FARP1: variants seen among roughly 807,000 people sequenced by gnomAD.
FARP1 encodes FERM, ARH/RhoGEF and pleckstrin domain protein 1, also known as FERM, ARHGEF and pleckstrin domain-containing protein 1.
A neutral mutation model predicts 128.8 loss-of-function variants in FARP1; 52 were observed. That is an observed-to-expected ratio of 0.40 (90% CI 0.32 to 0.51). FARP1 has a LOEUF of 0.51. Ranked by LOEUF, FARP1 falls within the 20% of genes least tolerant of loss-of-function variation. The pLI, the probability that FARP1 is intolerant of heterozygous loss-of-function variation, is 0.45. For missense variants in FARP1, 1,333 were observed against 1,367.9 expected, an observed-to-expected ratio of 0.97 and a Z score of 0.40; for synonymous variants, 580 against 551.8, an observed-to-expected ratio of 1.05 and a Z score of -0.72.
chr13:98,446,102 A>T lies in FARP1; in HGVS notation c.2801A>T (p.Gln934Leu), dbSNP rs1313053849. The change falls in exon 25 of 27, where the codon CAG (glutamine) becomes CTG (leucine). Residue 934 changes from glutamine (Q) to leucine (L), a missense_variant. This residue lies in a region of FARP1 where 1,009 missense variants were observed against 969.8 expected (regional missense o/e 1.04). Transcript: ENST00000319562. ...ACAGGCCTCCTTGCCTTTCAGAATC[A>T]GTTGTCTGGAAACCTGCTGAGGAAA... ...MVDFSIAVEN[Q>L]LSGNLLRKFK... The T allele has an allele frequency of 6.2e-7, 1 of 1,612,124 alleles. No individual in the cohort carries two copies. Among genetic ancestry groups the T allele is most frequent in the Non-Finnish European group, 8.5e-7 (1 of 1,178,226 alleles).
chr13:98,336,747 A>C (rs367963028), intron 2 of FARP1, among the ~76,000 whole-genome samples: 1 of 152,210 alleles, frequency 6.6e-6, no homozygotes, highest in Non-Finnish European at 1.5e-5. Context: ...TGAAAAGCCA[A>C]TTGAGGATGG....
In FARP1 at chr13:98,440,206, A is replaced by T. The variant is rs1167810427; in HGVS notation, c.2600A>T (p.Glu867Val). The T allele has an allele frequency of 1.2e-6, 2 of 1,613,948 alleles. No homozygotes were observed. The highest frequency in any genetic ancestry group is 1.7e-6 in the Non-Finnish European group (2 of 1,179,908). The change falls in exon 23 of 27, where the codon GAG becomes GTG. Residue 867 changes from glutamate (E) to valine (V), a missense_variant. Glu to Val is a moderately radical substitution (Grantham distance 121). Transcript: ENST00000319562. The part of the protein sequence containing the change: ...LAEKSSSPAP[E>V]FLASSPPDNK... ...GAGAAGAGCAGCAGCCCCGCCCCTG[A>T]GTTCCTGGCCAGCAGCCCCCCTGAC...
intron 2 of FARP1, among the ~76,000 whole-genome samples, chr13:98,247,283 C>T (rs563149536): frequency 3.9e-5 from 6 of 152,316 alleles, no homozygotes; most frequent in African/African-American, 1.4e-4. Context: ...GAAGACGATG[C>T]GTGCCATCTA....
chr13:98,253,897 GTA>G (rs1283841223), intron 2 of FARP1, among the ~76,000 whole-genome samples: 1 of 152,316 alleles, frequency 6.6e-6, no homozygotes, highest in African/African-American at 2.4e-5. Flanking sequence ...GTTTGTGTGT[GTA>G]TGACAGTTTT....
chr13:98,374,484 AT>A (rs1440694044), intron 5 of FARP1, among the ~76,000 whole-genome samples: 7 of 152,136 alleles, frequency 4.6e-5, no homozygotes, highest in Non-Finnish European at 1.0e-4. Context: ...CACATATTGC[AT>A]CTAGTTAGTA....
intron 13 of FARP1, chr13:98,404,431 C>G (rs1234209963): frequency 1.3e-5 from 2 of 152,128 alleles, no homozygotes; most frequent in African/African-American, 4.8e-5. Context: ...ATATCAGACG[C>G]TAGTGAGTCC....
chr13:98,417,626 G>C (rs1441785857), intron 16 of FARP1, among the ~76,000 whole-genome samples: 1 of 152,172 alleles, frequency 6.6e-6, no homozygotes, highest in African/African-American at 2.4e-5. Flanking sequence ...GGTAAGAGAT[G>C]TGAGAAGGGT....
At chr13:98,173,680 G>GA (rs1177574206) in intron 1 of FARP1, among the ~76,000 whole-genome samples, 3 of 152,220 alleles carry the variant, frequency 2.0e-5, no homozygotes, top group Non-Finnish European at 2.9e-5. Flanking sequence ...TCAGTGAACA[G>GA]AAAAAAGGTC....
intron 1 of FARP1, among the ~76,000 whole-genome samples, chr13:98,169,718 C>G (rs770113700): frequency 6.6e-6 from 1 of 152,100 alleles, no homozygotes; most frequent in African/African-American, 2.4e-5. Flanking sequence ...TTAATTTTTT[C>G]TTTTTCTCCC....
At chr13:98,208,840 A>T (rs1403114131) in intron 1 of FARP1, among the ~76,000 whole-genome samples, 3 of 152,160 alleles carry the variant, frequency 2.0e-5, no homozygotes, top group East Asian at 3.9e-4. Context: ...TGGTGACAGC[A>T]TTAGAGGTTT....
In FARP1 at chr13:98,241,962, A is replaced by G. The variant is rs146738030; in HGVS notation, c.171+28549A>G. Among the ~76,000 whole-genome samples the G allele has an allele frequency of 6.9e-3, 1,044 of 152,222 alleles. 11 individuals are homozygous for G. The highest frequency in any genetic ancestry group is 0.023 in the African/African-American group (973 of 41,538). On this transcript the variant is annotated intron_variant, in intron 2 of 26. Coordinates refer to ENST00000319562, the MANE Select transcript of FARP1 (RefSeq NM_005766.4). The stretch of plus-strand genomic sequence containing the variant: ...AACAACAAAACTTAAAAAATTAACC[A>G]GGCACGGTGGTATGTGCCTGTAGTC...
chr13:98,428,573 T>C (rs1891876935), intron 17 of FARP1, among the ~76,000 whole-genome samples: 2 of 152,216 alleles, frequency 1.3e-5, no homozygotes, highest in Non-Finnish European at 2.9e-5. Flanking sequence ...GGTTTCTCTA[T>C]GGTTTGGAGA....
rs377218801 is a variant in FARP1 at position 98,215,582 on chromosome 13, T to C, written c.171+2169T>C. Among the ~76,000 whole-genome samples the C allele has an allele frequency of 3.3e-5, 5 of 152,228 alleles. No individual in the cohort carries two copies. In the South Asian group the frequency reaches 1.0e-3, roughly 31 times the overall value. On this transcript the variant is annotated intron_variant, in intron 2 of 26. Transcript: ENST00000319562. ...AGTGTTTGGAGCAATTCTTGACATG[T>C]AGTAAGAGCTTAACTAAATAGTAGT...
intron 3 of FARP1, among the ~76,000 whole-genome samples, chr13:98,350,008 G>C (rs1888347943): frequency 6.6e-6 from 1 of 152,166 alleles, no homozygotes; most frequent in African/African-American, 2.4e-5. Flanking sequence ...CCTCTGAGGT[G>C]AGGAGGAGCT....
intron 2 of FARP1, among the ~76,000 whole-genome samples, chr13:98,342,712 A>G (rs1393663703): frequency 6.6e-6 from 1 of 150,572 alleles, no homozygotes; most frequent in East Asian, 2.0e-4. Context: ...ATAAATAAAT[A>G]AGCTACCAAG....
chr13:98,318,950 G>GTTTTTTTT (rs56166470), intron 2 of FARP1, among the ~76,000 whole-genome samples: 453 of 120,278 alleles, frequency 3.8e-3, no homozygotes, highest in East Asian at 0.011. Flanking sequence ...GTTTTTTCTT[G>GTTTTTTTT]TTTTTTTTTT....
chr13:98,252,314 T>A (rs6491411), intron 2 of FARP1, among the ~76,000 whole-genome samples: 132,038 of 152,218 alleles, frequency 0.87, 57,328 homozygotes, highest in East Asian at 0.95. Context: ...ACTAAAAGAA[T>A]ATCAGTGCAT....
At chr13:98,296,551 C>T (rs1885706297) in intron 2 of FARP1, among the ~76,000 whole-genome samples, 1 of 152,002 alleles carries the variant, frequency 6.6e-6, no homozygotes, top group Admixed American at 6.6e-5. Flanking sequence ...ACTCCTAGCA[C>T]AGGAGATGTT....
intron 16 of FARP1, among the ~76,000 whole-genome samples, chr13:98,412,250 ATT>A: frequency 6.6e-6 from 1 of 152,080 alleles, no homozygotes; most frequent in African/African-American, 2.4e-5. Context: ...TTCAAGATGG[ATT>A]TTTTTCCCTC....
Sources: gnomAD v4.1 joint callset for allele counts (sites outside exome capture counted in the v4.1 genomes callset) on GRCh38, gnomAD v4.1.1 for gene constraint, gnomAD v4.1.1 regional missense constraint, MANE v1.5 for transcripts, NCBI Gene and HGNC (gene_info 2026-07-23, HGNC 2026-07-21) for gene names.